FCHO1: variants seen among roughly 807,000 people sequenced by gnomAD.
FCHO1 encodes the protein F-BAR domain only protein 1.
In FCHO1, 45 loss-of-function variants were observed where a neutral mutation model predicts 114.4. The observed-to-expected ratio is 0.39, with a 90% CI of 0.31 to 0.50. FCHO1 has a LOEUF of 0.50. Ranked by LOEUF, FCHO1 falls within the 20% of genes least tolerant of loss-of-function variation. FCHO1 has a pLI of 0.77. For missense variants in FCHO1, 1,042 were observed against 1,209.6 expected (o/e 0.86, Z 2.06); for synonymous variants, 480 against 488.9 (o/e 0.98, Z 0.24).
chr19:17,781,017 T>C (rs982278986), intron 20 of FCHO1, among the ~76,000 whole-genome samples: 5 of 152,214 alleles, frequency 3.3e-5, no homozygotes, highest in Non-Finnish European at 7.3e-5. Flanking sequence ...TCACCCCTTA[T>C]TGGGCCACCA....
chr19:17,774,218 AG>A lies in FCHO1; in HGVS notation c.791-20del, dbSNP rs754137257. 6.2e-7 allele frequency: 1 copy of A among 1,613,450 alleles called. No homozygotes were observed. The highest frequency in any genetic ancestry group is 1.1e-5 in the South Asian group (1 of 91,080). ...GCCACCGTGCCCAGCCCCTCAATTG[AG>A]TTTCCGTCTCCTGTCTCAGGACCTC... is the stretch of plus-strand genomic sequence containing the variant. On this transcript the variant is annotated intron_variant, in intron 11 of 28. Transcript: ENST00000596536.
intron 6 of FCHO1, chr19:17,766,443 T>G: frequency 1.3e-5 from 6 of 471,498 alleles, no homozygotes; most frequent in Non-Finnish European, 1.5e-5. Context: ...CCAGCTCTAA[T>G]GTTGATTTGT....
intron 13 of FCHO1, chr19:17,774,687 C>G: frequency 1.7e-6 from 1 of 594,832 alleles, no homozygotes. Flanking sequence ...CAGAATTCTT[C>G]CTTTTGCTAG....
intron 4 of FCHO1, among the ~76,000 whole-genome samples, chr19:17,759,451 G>A (rs2085196737): frequency 6.6e-6 from 1 of 150,648 alleles, no homozygotes; most frequent in Admixed American, 6.6e-5. Flanking sequence ...TTGAACTCTT[G>A]ACCTCGAGTG....
At chr19:17,785,672 A>C (rs1418199712) in intron 26 of FCHO1, among the ~76,000 whole-genome samples, 1 of 152,076 alleles carries the variant, frequency 6.6e-6, no homozygotes, top group Non-Finnish European at 1.5e-5. Context: ...TCTCTACTAA[A>C]AATACAAAAA....
rs533088245 is a variant in FCHO1, at chr19:17,786,465, G to T, written c.2427-109G>T. ...ACAGATGAGGAAATTGAGGTGAAGT[G>T]GGGGAGAAGGTTTGTTGGGGTCACA... On this transcript the variant is annotated intron_variant, in intron 26 of 28. Transcript: ENST00000596536. 169 of 1,070,972 alleles carry T rather than the reference G, an allele frequency of 1.6e-4. No homozygotes were observed. In the African/African-American group the frequency reaches 2.4e-3, roughly 15 times the overall value. The allele number at this position is 1,070,972 out of a possible 1,614,324, so 66.3% of individuals were successfully genotyped here. A position where few individuals can be genotyped will look rare whatever the true frequency, so the allele number is the denominator to read the frequency against.
chr19:17,787,569 G>C (rs2094018943), intron 27 of FCHO1, 113 bp from the exon 28 acceptor site: 1 of 1,200,832 alleles, frequency 8.3e-7, no homozygotes, highest in Non-Finnish European at 1.1e-6. Context: ...AGGTCTGATG[G>C]GGCACATAAA....
chr19:17,770,630 G>A (rs2091221955), intron 8 of FCHO1, 53 bp downstream of exon 8: 3 of 1,588,290 alleles, frequency 1.9e-6, no homozygotes, highest in East Asian at 2.3e-5. Context: ...CGGAGGGGCT[G>A]CCTGATCAGA....
intron 4 of FCHO1, among the ~76,000 whole-genome samples, chr19:17,758,072 G>A (rs1353828366): frequency 1.3e-5 from 2 of 151,962 alleles, no homozygotes; most frequent in African/African-American, 2.4e-5. Flanking sequence ...AAAATTAGCC[G>A]GGTATGGTGG....
At position 17,770,899 on chromosome 19, in the gene FCHO1, A is replaced by G. The variant is rs1568345229; in HGVS notation, c.594+3A>G. 1 of 1,612,202 alleles carries G rather than the reference A, an allele frequency of 6.2e-7. No individual in the cohort carries two copies. The highest frequency in any genetic ancestry group is 8.5e-7 in the Non-Finnish European group (1 of 1,178,510). The stretch of plus-strand genomic sequence containing the variant: ...AGAAGATGCTGGACTCAGCCCTGGT[A>G]AGAACCAGGCATCTGTACCTTTAAG... On this transcript the variant is annotated splice_donor_region_variant and intron_variant, in intron 9 of 28. Transcript: ENST00000596536.
intron 11 of FCHO1, among the ~76,000 whole-genome samples, chr19:17,773,397 G>A (rs1014324217): frequency 2.6e-5 from 4 of 152,216 alleles, no homozygotes; most frequent in Non-Finnish European, 4.4e-5. Flanking sequence ...ATACAGTTAC[G>A]TCCTCAAGTC....
intron 20 of FCHO1, among the ~76,000 whole-genome samples, chr19:17,780,161 CTTTTTTTT>C (rs11400972): frequency 9.7e-6 from 1 of 103,370 alleles, no homozygotes; most frequent in Non-Finnish European, 1.9e-5. Flanking sequence ...AGAAGAAGCT[CTTTTTTTT>C]TTTTTTTTTT....
At chr19:17,782,667 A>G (rs1461979665) in intron 23 of FCHO1, among the ~76,000 whole-genome samples, 1 of 152,214 alleles carries the variant, frequency 6.6e-6, no homozygotes, top group Non-Finnish European at 1.5e-5. Context: ...GGCCTTCAGC[A>G]GAAAAGATCT....
intron 9 of FCHO1, 62 bp from the exon 10 acceptor site, chr19:17,772,395 C>A: frequency 7.9e-7 from 1 of 1,258,404 alleles, no homozygotes; most frequent in South Asian, 1.2e-5. Context: ...CAGGCTGAGT[C>A]ATATGGCCAC....
At chr19:17,755,749 A>G (rs1313083182) in intron 4 of FCHO1, 1 of 152,568 alleles carries the variant, frequency 6.6e-6, no homozygotes, top group South Asian at 2.1e-4. Context: ...GGGGTCTCCA[A>G]GAGAATCCAT....
At chr19:17,774,568 G>T in intron 13 of FCHO1, 90 bp downstream of exon 13, 1 of 1,006,266 alleles carries the variant, frequency 9.9e-7, no homozygotes, top group Non-Finnish European at 1.5e-6. Flanking sequence ...TCCTAGGATA[G>T]CCCAGGAGTA....
chr19:17,764,808 G>A (rs1486244542), intron 6 of FCHO1, among the ~76,000 whole-genome samples: 2 of 151,944 alleles, frequency 1.3e-5, no homozygotes, highest in Non-Finnish European at 2.9e-5. Context: ...GCTCATGCCT[G>A]TACTCCCAGC....
rs769000522 is a variant in FCHO1 at position 17,776,788 on chromosome 19, G to A, written c.1259+102G>A. ...TCTCTTGTCCCGGCTGGGAGTTGAC[G>A]TCATGCTGGGGTTTTTTTGTTTTTG... is the stretch of plus-strand genomic sequence containing the variant. On this transcript the variant is annotated intron_variant, in intron 18 of 28. Coordinates refer to ENST00000596536, the MANE Select transcript of FCHO1 (RefSeq NM_015122.3). This position sits in a 1 kb window ranked among gnomAD's most constrained non-coding sequence, Gnocchi z 4.4. 99 of 1,117,330 alleles carry A rather than the reference G, an allele frequency of 8.9e-5. No individual in the cohort carries two copies. The highest frequency in any genetic ancestry group is 1.4e-4 in the Admixed American group (6 of 43,312). 69.2% of individuals were successfully genotyped at this position (1,117,330 alleles called of 1,614,324 possible).
Position 17,788,507 on chromosome 19 carries a change from T to C in FCHO1, c.*201T>C, listed in dbSNP as rs2094114000. The C allele has an allele frequency of 5.5e-6, 3 of 549,934 alleles. No individual in the cohort carries two copies. Among genetic ancestry groups the C allele is most frequent in the Non-Finnish European group, 6.5e-6 (2 of 306,908 alleles). 34.1% of individuals were successfully genotyped at this position (549,934 alleles called of 1,614,324 possible). ...CCAACCCCACACAGGTCCCGGCCTT[T>C]TAATGTTCTTTGAATAAACACTTTA... On this transcript the variant is annotated 3_prime_UTR_variant, in exon 29 of 29. Transcript: ENST00000596536.
Sources: allele counts gnomAD v4.1 joint callset (sites outside exome capture counted in the v4.1 genomes callset), GRCh38; gene constraint gnomAD v4.1.1; non-coding constraint Gnocchi (gnomAD v3.1); transcripts MANE v1.5; gene names NCBI Gene and HGNC (gene_info 2026-07-23, HGNC 2026-07-21).